Variants in RHBDL3 observed in about 807,000 individuals in gnomAD.
The protein encoded by RHBDL3 is rhomboid-related protein 3.
A neutral mutation model predicts 48.2 loss-of-function variants in RHBDL3; 28 were observed. The ratio of observed to expected loss-of-function variants is 0.58; its 90% CI spans 0.43 to 0.80. RHBDL3 has a LOEUF of 0.80. Ranked by LOEUF, RHBDL3 falls within the 30% of genes least tolerant of loss-of-function variation. The pLI, the probability that RHBDL3 is intolerant of heterozygous loss-of-function variation, is 0.00. For missense variants in RHBDL3, 464 were observed against 542.7 expected, an observed-to-expected ratio of 0.85 and a Z score of 1.44; for synonymous variants, 208 against 232.3, an observed-to-expected ratio of 0.90 and a Z score of 0.95.
Position 32,294,324 on chromosome 17 carries a change from C to T in RHBDL3, c.550C>T (p.Leu184=), listed in dbSNP as rs759837324. 2 of 1,614,010 alleles carry T rather than the reference C, an allele frequency of 1.2e-6. No homozygotes were observed. Among genetic ancestry groups the T allele is most frequent in the Admixed American group, 3.3e-5 (2 of 60,006 alleles). ...CTTTTTCCTCTACAATGGGGTGTCACTAGGTCAATTTGTACTGCAGGTAAC... is the reference window on the plus strand; with the variant it reads ...CTTTTTCCTCTACAATGGGGTGTCATTAGGTCAATTTGTACTGCAGGTAAC... ...VAFFLYNGVS[L]GQFVLQVTHP... Residue 184 remains leucine, a synonymous_variant, in exon 5 of 9, where the codon CTA becomes TTA. Coordinates refer to ENST00000269051, the MANE Select transcript of RHBDL3 (RefSeq NM_138328.3).
In RHBDL3 at chr17:32,267,929, T is replaced by G. The variant is rs1443828606; in HGVS notation, c.135+4T>G. 6.2e-7 allele frequency: 1 copy of G among 1,605,416 alleles called. No homozygotes were observed. Among genetic ancestry groups the G allele is most frequent in the Non-Finnish European group, 8.5e-7 (1 of 1,172,142 alleles). On this transcript the variant is annotated splice_donor_region_variant and intron_variant, in intron 2 of 8. Transcript: ENST00000269051. ...CTGGAAAGTCCTGTTTGATCAGGTA[T>G]GTGAGCAGTTAACCCCCCATTTCCT...
rs2041131124 is a variant in RHBDL3 at position 32,321,420 on chromosome 17, A to G, written c.*191A>G. ...TTTTCTGAAAGGCATCTGGCGGAGG[A>G]GTTGATGTGGCTGCTGTCGTTTTTC... On this transcript the variant is annotated 3_prime_UTR_variant, in exon 9 of 9. Transcript: ENST00000269051. 6.7e-7 allele frequency: 1 copy of G among 1,498,470 alleles called. No individual in the cohort carries two copies. The highest frequency in any genetic ancestry group is 1.2e-5 in the South Asian group (1 of 81,034). 92.8% of individuals were successfully genotyped at this position (1,498,470 alleles called of 1,614,324 possible).
intron 2 of RHBDL3, among the ~76,000 whole-genome samples, chr17:32,272,337 C>G (rs1392775471): frequency 6.6e-6 from 1 of 152,218 alleles, no homozygotes; most frequent in African/African-American, 2.4e-5. Flanking sequence ...TTCCCTTGGC[C>G]TGACTTCATT....
rs756087293 is a variant in RHBDL3, at chr17:32,318,325, TAAAA to T, written c.943+2044_943+2047del. ...TGTGTGACAGAGCGAGACCTTGCCT[TAAAA>T]AAAAAAAAAAGAAAAGAAAAGAAAA... On this transcript the variant is annotated intron_variant, in intron 8 of 8. Transcript: ENST00000269051. Among the ~76,000 whole-genome samples the T allele has an allele frequency of 8.7e-3, 1,266 of 144,700 alleles. 23 individuals are homozygous for T. Among genetic ancestry groups the T allele is most frequent in the African/African-American group, 0.032 (1,193 of 37,828 alleles). 94.9% of individuals were successfully genotyped at this position (144,700 alleles called of 152,430 possible).
intron 4 of RHBDL3, among the ~76,000 whole-genome samples, chr17:32,292,659 C>T (rs1038327494): frequency 1.3e-5 from 2 of 151,922 alleles, no homozygotes; most frequent in African/African-American, 4.8e-5. Flanking sequence ...CAAAAATTAG[C>T]TGGGCATGGT....
chr17:32,324,258 C>T lies in RHBDL3; in HGVS notation c.*3029C>T, dbSNP rs538412740. 1 of 152,716 alleles carries T rather than the reference C, an allele frequency of 6.5e-6. No homozygotes were observed. The highest frequency in any genetic ancestry group is 2.1e-4 in the South Asian group (1 of 4,818). The allele number at this position is 152,716 out of a possible 1,614,324, so 9.5% of individuals were successfully genotyped here. A position where few individuals can be genotyped will look rare whatever the true frequency, so the allele number is the denominator to read the frequency against. On this transcript the variant is annotated 3_prime_UTR_variant, in exon 9 of 9. Coordinates refer to ENST00000269051, the MANE Select transcript of RHBDL3 (RefSeq NM_138328.3). Reference sequence around the variant, plus strand: ...TTCGTTTTTTAATTAGGAAAAGCTCCCTAATGAGGCTCTTTTGCCAGCTAA... The same window carrying T: ...TTCGTTTTTTAATTAGGAAAAGCTCTCTAATGAGGCTCTTTTGCCAGCTAA...
chr17:32,310,265 A>C (rs982094804), intron 7 of RHBDL3, among the ~76,000 whole-genome samples: 58 of 152,280 alleles, frequency 3.8e-4, no homozygotes, highest in African/African-American at 1.1e-3. Context: ...TGCCTAACAG[A>C]CACTAAAGAT....
At chr17:32,317,286 G>C (rs2040999810) in intron 8 of RHBDL3, among the ~76,000 whole-genome samples, 1 of 152,200 alleles carries the variant, frequency 6.6e-6, no homozygotes, top group Non-Finnish European at 1.5e-5. Context: ...TCATGGAACT[G>C]ATCCTTTGAG....
intron 2 of RHBDL3, among the ~76,000 whole-genome samples, chr17:32,279,337 G>T (rs1019655592): frequency 1.3e-5 from 2 of 152,192 alleles, no homozygotes; most frequent in South Asian, 2.1e-4. Flanking sequence ...TCCGAATGGA[G>T]CTGCCCTGCC....
rs1486182946 is a variant in RHBDL3 at position 32,321,538 on chromosome 17, G to A, written c.*309G>A. The A allele has an allele frequency of 1.9e-6, 1 of 530,372 alleles. No individual in the cohort carries two copies. Among genetic ancestry groups the A allele is most frequent in the East Asian group, 3.7e-5 (1 of 26,990 alleles). The allele number at this position is 530,372 out of a possible 1,614,324, so 32.9% of individuals were successfully genotyped here. A position where few individuals can be genotyped will look rare whatever the true frequency, so the allele number is the denominator to read the frequency against. On this transcript the variant is annotated 3_prime_UTR_variant, in exon 9 of 9. Coordinates refer to ENST00000269051, the MANE Select transcript of RHBDL3 (RefSeq NM_138328.3). ...ACCTGGGCTGGGCTTCTTCCATGGG[G>A]CCAGGGGGTGCCCCCTCACTGCTGC... is the stretch of plus-strand genomic sequence containing the variant.
chr17:32,283,371 G>T lies in RHBDL3; in HGVS notation c.136-1288G>T, dbSNP rs960729278. Among the ~76,000 whole-genome samples the T allele has an allele frequency of 3.4e-5, 5 of 145,206 alleles. No homozygotes were observed. In the East Asian group the frequency reaches 6.0e-4, roughly 17 times the overall value. On this transcript the variant is annotated intron_variant, in intron 2 of 8. Coordinates refer to ENST00000269051, the MANE Select transcript of RHBDL3 (RefSeq NM_138328.3). The stretch of plus-strand genomic sequence containing the variant: ...GAGTCTCGCTGTGTTGCCCAGGCTG[G>T]AGTGCAGTGGCGTGATCTCAGCTCA...
intron 2 of RHBDL3, among the ~76,000 whole-genome samples, chr17:32,270,152 A>G (rs924018710): frequency 6.6e-6 from 1 of 151,516 alleles, no homozygotes; most frequent in Non-Finnish European, 1.5e-5. Flanking sequence ...AAAAAAAAAA[A>G]AAAAAGAAGC....
chr17:32,312,099 T>G (rs1240904886), intron 7 of RHBDL3, among the ~76,000 whole-genome samples: 1 of 152,238 alleles, frequency 6.6e-6, no homozygotes, highest in African/African-American at 2.4e-5. Flanking sequence ...TGCCTGATAT[T>G]ATCACTCAGG....
chr17:32,308,276 G>A (rs535031403), intron 7 of RHBDL3, among the ~76,000 whole-genome samples: 2 of 152,242 alleles, frequency 1.3e-5, no homozygotes, highest in East Asian at 3.9e-4. Context: ...GACACATGGG[G>A]AGCCCTTCTC....
chr17:32,309,421 G>A (rs148555339), intron 7 of RHBDL3, among the ~76,000 whole-genome samples: 216 of 151,978 alleles, frequency 1.4e-3, no homozygotes, highest in Admixed American at 3.4e-3. Context: ...GTGTGGTGGT[G>A]CATACCTGTA....
rs527601051 is a variant in RHBDL3 at position 32,323,230 on chromosome 17, C to G, written c.*2001C>G. 3.0e-3 allele frequency: 464 copies of G among 152,556 alleles called. 1 individual carries two copies. Among genetic ancestry groups the G allele is most frequent in the Non-Finnish European group, 4.3e-3 (295 of 68,174 alleles). 9.5% of individuals were successfully genotyped at this position (152,556 alleles called of 1,614,324 possible). A position where few individuals can be genotyped will look rare whatever the true frequency, so the allele number is the denominator to read the frequency against. On this transcript the variant is annotated 3_prime_UTR_variant, in exon 9 of 9. Transcript: ENST00000269051. ...CGCAGCCTGTGGCACTGTGGGCCCA[C>G]GCCTTTGGCGGTGTTGCGTCAGCCT...
rs112578297 is a variant in RHBDL3 at position 32,277,420 on chromosome 17, A to G, written c.136-7239A>G. Among the ~76,000 whole-genome samples, 324 of 152,326 alleles carry G rather than the reference A, an allele frequency of 2.1e-3. 1 individual carries two copies. The highest frequency in any genetic ancestry group is 7.2e-3 in the African/African-American group (299 of 41,578). ...AAATTCTGAAGCCTTGGCCTGGCTC[A>G]TGGGCCTGCAGCTGGGAGGGGAGAA... On this transcript the variant is annotated intron_variant, in intron 2 of 8. Coordinates refer to ENST00000269051, the MANE Select transcript of RHBDL3 (RefSeq NM_138328.3).
intron 3 of RHBDL3, among the ~76,000 whole-genome samples, chr17:32,288,067 C>A (rs1372602300): frequency 6.6e-6 from 1 of 152,182 alleles, no homozygotes; most frequent in Non-Finnish European, 1.5e-5. Context: ...TGTGAAGGCC[C>A]TCGGGAGTGG....
At chr17:32,268,035 G>A (rs1323863206) in intron 2 of RHBDL3, 110 bp downstream of exon 2, 7 of 850,056 alleles carry the variant, frequency 8.2e-6, no homozygotes, top group Admixed American at 3.4e-5. Context: ...TGGTGACGTG[G>A]GGTGGGGGTG....
Sources: gnomAD v4.1 joint callset for allele counts (sites outside exome capture counted in the v4.1 genomes callset) on GRCh38, gnomAD v4.1.1 for gene constraint, MANE v1.5 for transcripts, NCBI Gene and HGNC (gene_info 2026-07-23, HGNC 2026-07-21) for gene names.